Variants in SMARCC1 observed in about 807,000 individuals in gnomAD.
SMARCC1 encodes the protein SWI/SNF related BAF chromatin remodeling complex subunit C1, also known as SWI/SNF complex subunit SMARCC1.
In SMARCC1, 43 loss-of-function variants were observed where a neutral mutation model predicts 147.4. That is an observed-to-expected ratio of 0.29 (90% CI 0.23 to 0.38). SMARCC1 has a LOEUF of 0.38. SMARCC1 is among the 10% of genes least tolerant of loss of function. The probability of loss-of-function intolerance (pLI) is 1.00; values close to 1 mark genes in which losing one functional copy is unlikely to be tolerated. For missense variants in SMARCC1, 1,119 were observed against 1,381.1 expected (o/e 0.81, Z 3.01); for synonymous variants, 495 against 484.4 (o/e 1.02, Z -0.29).
intron 2 of SMARCC1, among the ~76,000 whole-genome samples, chr3:47,750,899 ATT>A (rs113564707): frequency 0.017 from 2,402 of 144,370 alleles, 32 homozygotes; most frequent in Non-Finnish European, 0.025. Context: ...AGACAAAGTA[ATT>A]TTTTTTTTTT....
rs1329242200 is a variant in SMARCC1, at chr3:47,585,544, C to T, written c.*2665G>A. ...TGTCCCCCAAGGTTCACAGAATCTT[C>T]TGCCCTCAAGGCCTGCCTCCAACTT... On this transcript the variant is annotated 3_prime_UTR_variant, in exon 28 of 28. Coordinates refer to ENST00000254480, the MANE Select transcript of SMARCC1 (RefSeq NM_003074.4). 1 of 152,244 alleles carries T rather than the reference C, an allele frequency of 6.6e-6. No homozygotes were observed. Among genetic ancestry groups the T allele is most frequent in the East Asian group, 1.9e-4 (1 of 5,206 alleles). 9.4% of individuals were successfully genotyped at this position (152,244 alleles called of 1,614,324 possible).
intron 1 of SMARCC1, among the ~76,000 whole-genome samples, chr3:47,780,799 C>T (rs2106886807): frequency 6.6e-6 from 1 of 151,948 alleles, no homozygotes; most frequent in Admixed American, 6.6e-5. Context: ...TTAAGGGAGT[C>T]CTCCTGAATA....
chr3:47,656,643 G>A (rs1423220856), intron 21 of SMARCC1, among the ~76,000 whole-genome samples: 1 of 152,152 alleles, frequency 6.6e-6, no homozygotes, highest in Admixed American at 6.5e-5. Context: ...GGTCTGGCAT[G>A]GTGGCTCATG....
At chr3:47,616,728 G>A (rs1008899642) in intron 25 of SMARCC1, among the ~76,000 whole-genome samples, 15 of 152,078 alleles carry the variant, frequency 9.9e-5, no homozygotes, top group East Asian at 3.8e-4. Flanking sequence ...TTACAGGTAT[G>A]AGCCACCATG....
intron 11 of SMARCC1, among the ~76,000 whole-genome samples, chr3:47,694,313 A>C (rs1327181704): frequency 6.6e-6 from 1 of 152,226 alleles, no homozygotes; most frequent in Non-Finnish European, 1.5e-5. Context: ...TTAAAAACAC[A>C]GCCAAGGCCA....
Position 47,701,411 on chromosome 3 carries a change from T to G in SMARCC1, c.1041-9A>C. On this transcript the variant is annotated splice_polypyrimidine_tract_variant and intron_variant, in intron 10 of 27. Coordinates refer to ENST00000254480, the MANE Select transcript of SMARCC1 (RefSeq NM_003074.4). Reference sequence around the variant, plus strand: ...CATAAAGGCTAGCTTGGCTAAAACATACAAGTATATGAAATATAAACAAGA... The same window carrying G: ...CATAAAGGCTAGCTTGGCTAAAACAGACAAGTATATGAAATATAAACAAGA... 1 of 1,612,750 alleles carries G rather than the reference T, an allele frequency of 6.2e-7. No homozygotes were observed. The highest frequency in any genetic ancestry group is 8.5e-7 in the Non-Finnish European group (1 of 1,178,956).
At chr3:47,604,079 C>A (rs189596613) in intron 26 of SMARCC1, 1 of 456,606 alleles carries the variant, frequency 2.2e-6, no homozygotes, top group Non-Finnish European at 4.4e-6. Context: ...ACAGAGGTAT[C>A]GGTACAAACT....
intron 4 of SMARCC1, 36 bp from the exon 5 acceptor site, chr3:47,736,162 A>G: frequency 8.5e-7 from 1 of 1,175,800 alleles, no homozygotes; most frequent in Non-Finnish European, 1.2e-6. Context: ...AAATTCTCTT[A>G]GTTTTGAAAT....
chr3:47,712,674 C>T (rs865980010), intron 8 of SMARCC1, among the ~76,000 whole-genome samples: 1 of 152,156 alleles, frequency 6.6e-6, no homozygotes. Flanking sequence ...TGACTATTTA[C>T]ACTCCTAATT....
At position 47,628,161 on chromosome 3, in the gene SMARCC1, C is replaced by T. The variant is rs1386061745; in HGVS notation, c.2647-5820G>A. On this transcript the variant is annotated intron_variant, in intron 24 of 27. Transcript: ENST00000254480. ...ATTTATTTTTATTCTGCCTACAACA[C>T]TCTTTCCTTTCTGAAGCCCCATGTT... 2.6e-5 allele frequency among the ~76,000 whole-genome samples: 4 copies of T among 152,278 alleles called. No homozygotes were observed. The East Asian group carries it at 7.7e-4, about 29-fold the overall frequency.
At chr3:47,692,446 C>CA (rs2106776644) in intron 12 of SMARCC1, among the ~76,000 whole-genome samples, 1 of 152,306 alleles carries the variant, frequency 6.6e-6, no homozygotes, top group South Asian at 2.1e-4. Flanking sequence ...AATACAGTAT[C>CA]ATTTTGCATA....
intron 24 of SMARCC1, among the ~76,000 whole-genome samples, chr3:47,631,867 C>T (rs2032895947): frequency 6.6e-6 from 1 of 152,114 alleles, no homozygotes; most frequent in African/African-American, 2.4e-5. Context: ...CCCCTAATTA[C>T]CATGTAGTAT....
chr3:47,676,530 AATAGCATTATAGT>A, intron 17 of SMARCC1, 86 bp downstream of exon 17: 2 of 847,690 alleles, frequency 2.4e-6, no homozygotes, highest in Non-Finnish European at 1.8e-6. Flanking sequence ...TAGCACTAAT[AATAGCATTATAGT>A]ATAATAATAA....
chr3:47,605,702 G>C (rs534466246), intron 26 of SMARCC1, among the ~76,000 whole-genome samples: 1 of 152,328 alleles, frequency 6.6e-6, no homozygotes, highest in South Asian at 2.1e-4. Flanking sequence ...GAGCCTGGCA[G>C]GTTGAGGCTG....
intron 25 of SMARCC1, among the ~76,000 whole-genome samples, chr3:47,611,393 G>A (rs576784736): frequency 6.6e-6 from 1 of 152,268 alleles, no homozygotes; most frequent in South Asian, 2.1e-4. Flanking sequence ...GTGATGCACA[G>A]TAAAATTTGA....
At position 47,763,451 on chromosome 3, in the gene SMARCC1, G is replaced by C. The variant is rs2034799076; in HGVS notation, c.315+9366C>G. ...AAAAACATAATAATTTTTTCAGTGAGTTCTGACAACTGCTTTAAAATACGT... is the reference window on the plus strand; with the variant it reads ...AAAAACATAATAATTTTTTCAGTGACTTCTGACAACTGCTTTAAAATACGT... On this transcript the variant is annotated intron_variant, in intron 2 of 27. Coordinates refer to ENST00000254480, the MANE Select transcript of SMARCC1 (RefSeq NM_003074.4). 3.3e-5 allele frequency among the ~76,000 whole-genome samples: 5 copies of C among 151,536 alleles called. No individual in the cohort carries two copies. The South Asian group carries it at 1.0e-3, about 31-fold the overall frequency.
chr3:47,676,815 A>C, intron 16 of SMARCC1, 33 bp from the exon 17 acceptor site: 7 of 1,593,812 alleles, frequency 4.4e-6, no homozygotes, highest in Non-Finnish European at 8.6e-7. Flanking sequence ...TTAAAATCTA[A>C]AGAATCAACT....
At chr3:47,589,853 C>T (rs1401547286) in intron 27 of SMARCC1, among the ~76,000 whole-genome samples, 2 of 152,246 alleles carry the variant, frequency 1.3e-5, no homozygotes, top group African/African-American at 4.8e-5. Context: ...TCTTATGCTT[C>T]CTATCTCTCT....
At chr3:47,680,616 C>T (rs1421565765) in intron 14 of SMARCC1, 108 bp from the exon 15 acceptor site, 6 of 560,942 alleles carry the variant, frequency 1.1e-5, no homozygotes, top group Admixed American at 3.9e-5. Context: ...GGCGGGATCT[C>T]GGCTCACTGC....
Sources: gnomAD v4.1 joint callset for allele counts (sites outside exome capture counted in the v4.1 genomes callset) on GRCh38, gnomAD v4.1.1 for gene constraint, MANE v1.5 for transcripts, NCBI Gene and HGNC (gene_info 2026-07-23, HGNC 2026-07-21) for gene names.